Variants in FHDC1 observed in about 807,000 individuals in gnomAD.
FHDC1 encodes FH2 domain-containing protein 1.
Under a neutral mutation model 52.6 loss-of-function variants are expected in FHDC1, and 25 were observed. That is an observed-to-expected ratio of 0.48 (90% CI 0.35 to 0.66). FHDC1 has a LOEUF of 0.66. FHDC1 is among the 30% of genes least tolerant of loss of function. The probability of loss-of-function intolerance (pLI) is 0.01; values close to 1 mark genes in which losing one functional copy is unlikely to be tolerated. For missense variants in FHDC1, 1,459 were observed against 1,452.8 expected, an observed-to-expected ratio of 1.00 and a Z score of -0.07; for synonymous variants, 616 against 581.5, an observed-to-expected ratio of 1.06 and a Z score of -0.85.
At chr4:152,918,846 G>T in the FHDC1 span, among the ~76,000 whole-genome samples, 1 of 152,230 alleles carries the variant, frequency 6.6e-6, no homozygotes, top group African/African-American at 2.4e-5. Context: ...CTATCAAGTA[G>T]ATTATTTTTT....
chr4:152,947,810 AAGAGAG>A (rs3076048), intron 2 of FHDC1, among the ~76,000 whole-genome samples: 62 of 149,586 alleles, frequency 4.1e-4, no homozygotes, highest in Admixed American at 4.7e-4. Flanking sequence ...AAGACCACAG[AAGAGAG>A]AGAGAGAGAG....
chr4:152,965,960 C>G (rs1397648874), intron 9 of FHDC1, among the ~76,000 whole-genome samples: 3 of 152,228 alleles, frequency 2.0e-5, no homozygotes, highest in African/African-American at 4.8e-5. Context: ...CCACAGATTA[C>G]ATGTCTTTCC....
the FHDC1 span, among the ~76,000 whole-genome samples, chr4:152,919,855 G>C: frequency 6.6e-6 from 1 of 151,834 alleles, no homozygotes; most frequent in East Asian, 1.9e-4. Context: ...CAAGGACTGG[G>C]TTGCATGGGT....
rs201123803 is a variant in FHDC1, at chr4:152,975,694, C to T, written c.2403C>T (p.Gly801=). The change falls in exon 12 of 12, where the codon GGC becomes GGT. Residue 801 remains glycine, a synonymous_variant. Coordinates refer to ENST00000511601, the MANE Select transcript of FHDC1 (RefSeq NM_001371116.1). Reference sequence around the variant, plus strand: ...CCAGAGGCGGGGACCCGGAGGAAGGCGGGGAAGGGGATGGCTCCATGTCCT... The same window carrying T: ...CCAGAGGCGGGGACCCGGAGGAAGGTGGGGAAGGGGATGGCTCCATGTCCT... The part of the protein sequence containing the change: ...SRPRGGDPEE[G]GEGDGSMSSG... The T allele has an allele frequency of 8.4e-5, 135 of 1,611,724 alleles. 1 individual carries two copies. In the Middle Eastern group the frequency reaches 2.0e-3, roughly 24 times the overall value.
At chr4:152,930,470 A>G in the FHDC1 span, among the ~76,000 whole-genome samples, 1 of 152,176 alleles carries the variant, frequency 6.6e-6, no homozygotes, top group Admixed American at 6.5e-5. Flanking sequence ...GAGGCCAGCA[A>G]GTTAGGAGTT....
At chr4:152,972,831 A>G (rs527330740) in intron 11 of FHDC1, among the ~76,000 whole-genome samples, 4 of 152,318 alleles carry the variant, frequency 2.6e-5, no homozygotes, top group Non-Finnish European at 5.9e-5. Flanking sequence ...TTTGTTAGTA[A>G]AGTTCCTCCA....
chr4:152,927,629 A>G, the FHDC1 span: 13 of 1,604,940 alleles, frequency 8.1e-6, no homozygotes, highest in Non-Finnish European at 1.1e-5. Context: ...ACAGGAACAG[A>G]AGGACAGGAA....
the FHDC1 span, among the ~76,000 whole-genome samples, chr4:152,916,386 A>G: frequency 6.6e-6 from 1 of 152,188 alleles, no homozygotes; most frequent in South Asian, 2.1e-4. Context: ...TTACCTTTAA[A>G]TGGCTCAGCA....
At chr4:152,926,283 CACACACACA>C in the FHDC1 span, among the ~76,000 whole-genome samples, 1 of 150,940 alleles carries the variant, frequency 6.6e-6, no homozygotes, top group Non-Finnish European at 1.5e-5. Context: ...CACACACACA[CACACACACA>C]CACACACACA....
chr4:152,916,505 T>G, the FHDC1 span, among the ~76,000 whole-genome samples: 1 of 151,978 alleles, frequency 6.6e-6, no homozygotes, highest in African/African-American at 2.4e-5. Flanking sequence ...ATTGTTGAAA[T>G]AAGTGGGTGG....
At chr4:152,934,169 T>C (rs570852956), upstream of FHDC1, among the ~76,000 whole-genome samples, 1 of 152,284 alleles carries the variant, frequency 6.6e-6, no homozygotes, top group Admixed American at 6.5e-5. Flanking sequence ...ACTGCAGTGA[T>C]GGTGCATGTG....
intron 9 of FHDC1, among the ~76,000 whole-genome samples, chr4:152,967,355 A>T (rs563962734): frequency 4.6e-5 from 7 of 152,270 alleles, no homozygotes; most frequent in African/African-American, 1.7e-4. Flanking sequence ...TGAACCCAGG[A>T]GGCAGAGGTT....
chr4:152,968,572 GC>G (rs1482261681), intron 10 of FHDC1, among the ~76,000 whole-genome samples: 10 of 152,080 alleles, frequency 6.6e-5, no homozygotes, highest in Non-Finnish European at 1.5e-4. Flanking sequence ...CAGGTGATCC[GC>G]ACTCACTGGG....
At chr4:152,912,313 A>G in the FHDC1 span, 1 of 152,202 alleles carries the variant, frequency 6.6e-6, no homozygotes, top group Non-Finnish European at 1.5e-5. Context: ...GTAATAGAAG[A>G]TAAGTACCTT....
At chr4:152,951,905 T>C (rs959550334) in intron 2 of FHDC1, among the ~76,000 whole-genome samples, 1 of 152,230 alleles carries the variant, frequency 6.6e-6, no homozygotes, top group Non-Finnish European at 1.5e-5. Flanking sequence ...CCTGAAATTT[T>C]GATCAGTGAA....
chr4:152,972,183 T>C (rs1740657571), intron 10 of FHDC1, among the ~76,000 whole-genome samples, 194 bp from the exon 11 acceptor site: 1 of 152,188 alleles, frequency 6.6e-6, no homozygotes, highest in African/African-American at 2.4e-5. Flanking sequence ...TTCACCTTGC[T>C]TTCCCCGAGG....
chr4:152,954,070 G>T (rs1183837874), intron 3 of FHDC1, 147 bp from the exon 4 acceptor site: 7 of 640,466 alleles, frequency 1.1e-5, no homozygotes, highest in Non-Finnish European at 1.6e-5. Context: ...CAGTGGGGCT[G>T]TTATGAGCAC....
chr4:152,935,860 TAA>T (rs1004551392), upstream of FHDC1, among the ~76,000 whole-genome samples: 15 of 151,924 alleles, frequency 9.9e-5, no homozygotes, highest in East Asian at 1.9e-4. Flanking sequence ...CGCGTGTATA[TAA>T]GAGTGTGTGC....
the FHDC1 span, chr4:152,918,554 G>A: frequency 6.6e-6 from 1 of 152,214 alleles, no homozygotes; most frequent in African/African-American, 2.4e-5. Flanking sequence ...AGAAGTGGAG[G>A]ATCAAAGCCA....
Sources: allele counts gnomAD v4.1 joint callset (sites outside exome capture counted in the v4.1 genomes callset), GRCh38; gene constraint gnomAD v4.1.1; transcripts MANE v1.5; gene names NCBI Gene and HGNC (gene_info 2026-07-23, HGNC 2026-07-21).